CNTN3: variants seen among roughly 807,000 people sequenced by gnomAD.
CNTN3 encodes contactin-3.
A neutral mutation model predicts 119.1 loss-of-function variants in CNTN3; 60 were observed. That is an observed-to-expected ratio of 0.50 (90% CI 0.41 to 0.62). The LOEUF (loss-of-function observed/expected upper bound fraction) is 0.62. Ranked by LOEUF, CNTN3 falls within the 20% of genes least tolerant of loss-of-function variation. The pLI, the probability that CNTN3 is intolerant of heterozygous loss-of-function variation, is 0.00. For synonymous variants in CNTN3, 450 were observed against 438.7 expected (o/e 1.03, Z -0.32); for missense variants, 1,101 against 1,242.4 (o/e 0.89, Z 1.71).
At position 74,360,157 on chromosome 3, in the gene CNTN3, T is replaced by C. The variant is rs540841878; in HGVS notation, c.1364+1733A>G. Among the ~76,000 whole-genome samples, 3 of 152,316 alleles carry C rather than the reference T, an allele frequency of 2.0e-5. No individual in the cohort carries two copies. The South Asian group carries it at 6.2e-4, about 32-fold the overall frequency. On this transcript the variant is annotated intron_variant, in intron 11 of 22. Transcript: ENST00000263665. Reference sequence around the variant, plus strand: ...TGTAACCAACTTGTCTAAATATACCTTTGGGGCTAAAATCTAAAAGCCGTT... The same window carrying C: ...TGTAACCAACTTGTCTAAATATACCCTTGGGGCTAAAATCTAAAAGCCGTT...
At chr3:74,363,573 T>A (rs568909319) in intron 10 of CNTN3, among the ~76,000 whole-genome samples, 1 of 152,244 alleles carries the variant, frequency 6.6e-6, no homozygotes, top group African/African-American at 2.4e-5. Context: ...ATGGATTGGT[T>A]CAGAAACAAG....
intron 3 of CNTN3, among the ~76,000 whole-genome samples, chr3:74,494,436 C>T (rs1215058636): frequency 6.6e-6 from 1 of 152,034 alleles, no homozygotes; most frequent in African/African-American, 2.4e-5. Context: ...TTTTCTGACA[C>T]CATTTGGAGT....
At chr3:74,586,743 T>C (rs1274168844) in intron 1 of CNTN3, among the ~76,000 whole-genome samples, 1 of 152,084 alleles carries the variant, frequency 6.6e-6, no homozygotes, top group African/African-American at 2.4e-5. Flanking sequence ...TATTAGTTAG[T>C]ACACGTTATC....
intron 13 of CNTN3, among the ~76,000 whole-genome samples, chr3:74,312,495 G>A (rs182787598): frequency 7.1e-6 from 1 of 141,716 alleles, no homozygotes; most frequent in African/African-American, 2.7e-5. Flanking sequence ...TCTGCCCTCA[G>A]CAGCTACAGC....
At chr3:74,589,200 C>T (rs1371906918) in intron 1 of CNTN3, among the ~76,000 whole-genome samples, 1 of 152,074 alleles carries the variant, frequency 6.6e-6, no homozygotes, top group Non-Finnish European at 1.5e-5. Context: ...TTTTTGTGAC[C>T]TACTCATCTG....
At chr3:74,275,831 T>C (rs1312258494) in intron 20 of CNTN3, among the ~76,000 whole-genome samples, 6 of 152,108 alleles carry the variant, frequency 3.9e-5, no homozygotes, top group African/African-American at 7.2e-5. Flanking sequence ...ATGCTCCACT[T>C]AAAAGATACA....
intron 20 of CNTN3, among the ~76,000 whole-genome samples, chr3:74,280,613 A>G (rs570499613): frequency 1.3e-5 from 2 of 152,378 alleles, no homozygotes; most frequent in South Asian, 4.1e-4. Context: ...GAACTTGGTT[A>G]GAGTGATGCT....
chr3:74,533,965 G>A (rs1703727860), intron 1 of CNTN3, among the ~76,000 whole-genome samples: 1 of 151,984 alleles, frequency 6.6e-6, no homozygotes, highest in African/African-American at 2.4e-5. Context: ...GCCACCCACT[G>A]CAAACAATTA....
intron 3 of CNTN3, among the ~76,000 whole-genome samples, chr3:74,496,171 C>T (rs1198507167): frequency 6.6e-6 from 1 of 152,066 alleles, no homozygotes; most frequent in Non-Finnish European, 1.5e-5. Flanking sequence ...AAGTCTTGAG[C>T]TAGACTAAAA....
At chr3:74,530,297 G>C (rs1028072941) in intron 1 of CNTN3, among the ~76,000 whole-genome samples, 16 of 151,930 alleles carry the variant, frequency 1.1e-4, no homozygotes, top group Non-Finnish European at 1.6e-4. Context: ...CCCAAAGGGA[G>C]GTGCCAGAAA....
chr3:74,403,772 C>G (rs1221724563), intron 5 of CNTN3, among the ~76,000 whole-genome samples: 1 of 152,030 alleles, frequency 6.6e-6, no homozygotes. Flanking sequence ...TCTCCTTATT[C>G]TTATTTGTGT....
chr3:74,603,421 A>T (rs1704943241), intron 1 of CNTN3, among the ~76,000 whole-genome samples: 1 of 152,114 alleles, frequency 6.6e-6, no homozygotes, highest in Non-Finnish European at 1.5e-5. Flanking sequence ...CTAGCAGAAT[A>T]AGCCACATAG....
intron 5 of CNTN3, among the ~76,000 whole-genome samples, chr3:74,418,342 C>CTTTT (rs56258495): frequency 2.4e-4 from 24 of 99,624 alleles, no homozygotes; most frequent in African/African-American, 8.6e-4. Context: ...AAACATATTC[C>CTTTT]TTTTTTTTTT....
At chr3:74,411,018 C>T (rs905378391) in intron 5 of CNTN3, among the ~76,000 whole-genome samples, 2 of 152,016 alleles carry the variant, frequency 1.3e-5, no homozygotes, top group Non-Finnish European at 2.9e-5. Flanking sequence ...AGAGACTCCC[C>T]TCTCTATCCT....
At chr3:74,338,831 T>A (rs986425047) in intron 11 of CNTN3, among the ~76,000 whole-genome samples, 1 of 152,042 alleles carries the variant, frequency 6.6e-6, no homozygotes, top group Admixed American at 6.6e-5. Flanking sequence ...GCATGCCAAC[T>A]TGAGGAACTA....
In CNTN3 at chr3:74,454,495, A is replaced by C. The variant is rs1315569922; in HGVS notation, c.359-29555T>G. On this transcript the variant is annotated intron_variant, in intron 4 of 22. Transcript: ENST00000263665. ...GCCAGTCTGTGTCTTTTAATTGGAG[A>C]ATTTAGTCCATTTACTTTTAAAGTT... Among the ~76,000 whole-genome samples, 7 of 151,918 alleles carry C rather than the reference A, an allele frequency of 4.6e-5. No individual in the cohort carries two copies. The East Asian group carries it at 1.4e-3, about 30-fold the overall frequency.
At chr3:74,601,874 T>A (rs1229033113) in intron 1 of CNTN3, among the ~76,000 whole-genome samples, 1 of 152,092 alleles carries the variant, frequency 6.6e-6, no homozygotes, top group Non-Finnish European at 1.5e-5. Flanking sequence ...GGCATGAGAA[T>A]AATTTCCATC....
At chr3:74,272,097 TC>T (rs1442955106) in intron 20 of CNTN3, among the ~76,000 whole-genome samples, 3 of 152,190 alleles carry the variant, frequency 2.0e-5, no homozygotes, top group Admixed American at 2.0e-4. Flanking sequence ...GGGTGTCCAA[TC>T]TTTTGGCTTC....
chr3:74,577,724 A>T (rs982939654), intron 1 of CNTN3, among the ~76,000 whole-genome samples: 2 of 152,136 alleles, frequency 1.3e-5, no homozygotes, highest in African/African-American at 4.8e-5. Flanking sequence ...GGTAAAAGTT[A>T]AGGTCTTGGG....
Sources: allele counts gnomAD v4.1 joint callset (sites outside exome capture counted in the v4.1 genomes callset), GRCh38; gene constraint gnomAD v4.1.1; transcripts MANE v1.5; gene names NCBI Gene and HGNC (gene_info 2026-07-23, HGNC 2026-07-21).